Variants in TOX3 observed in about 807,000 individuals in gnomAD.
TOX3 encodes TOX high mobility group box family member 3.
A neutral mutation model predicts 64.3 loss-of-function variants in TOX3; 22 were observed. The ratio of observed to expected loss-of-function variants is 0.34; its 90% CI spans 0.24 to 0.49. The LOEUF is 0.49. TOX3 is among the 20% of genes least tolerant of loss of function. TOX3 has a pLI of 0.99. For synonymous variants in TOX3, 291 were observed against 273.6 expected (o/e 1.06, Z -0.63); for missense variants, 661 against 714.4 (o/e 0.93, Z 0.85).
chr16:52,499,806 G>A (rs976770154), intron 1 of TOX3, among the ~76,000 whole-genome samples: 1 of 152,190 alleles, frequency 6.6e-6, no homozygotes, highest in Non-Finnish European at 1.5e-5. Context: ...AGAAGCTGCT[G>A]AACAACTTTC....
intron 1 of TOX3, chr16:52,519,530 ACTCTTCTGT>A: frequency 6.5e-7 from 1 of 1,542,898 alleles, no homozygotes; most frequent in Non-Finnish European, 8.8e-7. Flanking sequence ...CCCTCTTCTG[ACTCTTCTGT>A]CCTCTGCTGG....
chr16:52,470,333 C>G (rs74017819), intron 1 of TOX3, among the ~76,000 whole-genome samples: 399 of 152,278 alleles, frequency 2.6e-3, no homozygotes, highest in African/African-American at 9.3e-3. Flanking sequence ...TCCTGGCCCC[C>G]CAAACCGCCT....
intron 1 of TOX3, among the ~76,000 whole-genome samples, chr16:52,520,600 A>G (rs1308603273): frequency 6.6e-6 from 1 of 152,258 alleles, no homozygotes; most frequent in Non-Finnish European, 1.5e-5. Context: ...TGTATTTTAC[A>G]GTTGAAAGTT....
intron 6 of TOX3, among the ~76,000 whole-genome samples, chr16:52,440,217 C>T (rs950650573): frequency 6.6e-6 from 1 of 152,224 alleles, no homozygotes; most frequent in East Asian, 1.9e-4. Context: ...AGTGATACTG[C>T]TCCAGTTCCA....
intron 4 of TOX3, among the ~76,000 whole-genome samples, chr16:52,447,809 A>G (rs1243902259): frequency 6.6e-6 from 1 of 152,208 alleles, no homozygotes; most frequent in African/African-American, 2.4e-5. Flanking sequence ...AATGAAAAAC[A>G]TTATTTAAAC....
chr16:52,521,027 T>C (rs571488426), intron 1 of TOX3, among the ~76,000 whole-genome samples: 1 of 152,312 alleles, frequency 6.6e-6, no homozygotes, highest in Admixed American at 6.5e-5. Context: ...CAAAATAATC[T>C]ATTTAATTCT....
At chr16:52,501,520 A>G (rs1385440835) in intron 1 of TOX3, among the ~76,000 whole-genome samples, 1 of 152,054 alleles carries the variant, frequency 6.6e-6, no homozygotes. Context: ...AAATACAAAA[A>G]TTAGCCGGGC....
intron 1 of TOX3, among the ~76,000 whole-genome samples, chr16:52,542,896 G>A (rs552092839): frequency 1.3e-5 from 2 of 152,290 alleles, no homozygotes; most frequent in East Asian, 3.9e-4. Context: ...CAAGGCAGAA[G>A]CCCAATCAGG....
intron 2 of TOX3, among the ~76,000 whole-genome samples, chr16:52,465,005 C>CTTTTTT (rs1168498170): frequency 0.06 from 4,264 of 70,906 alleles, 1,167 homozygotes; most frequent in Non-Finnish European, 0.067. Context: ...TTAATGCATT[C>CTTTTTT]TTTTTTTTTT....
chr16:52,527,132 A>G (rs1310648475), intron 1 of TOX3, among the ~76,000 whole-genome samples: 7 of 152,194 alleles, frequency 4.6e-5, no homozygotes, highest in Non-Finnish European at 7.3e-5. Flanking sequence ...GAATAAAAAG[A>G]CTTCAGAGCT....
rs533126588 is a variant in TOX3 at position 52,532,933 on chromosome 16, C to G, written c.87+13704G>C. Among the ~76,000 whole-genome samples, 3 of 152,242 alleles carry G rather than the reference C, an allele frequency of 2.0e-5. No individual in the cohort carries two copies. The South Asian group carries it at 6.2e-4, about 32-fold the overall frequency. On this transcript the variant is annotated intron_variant, in intron 1 of 6. Transcript: ENST00000219746. ...GCACTGGGCTTAGCAGAGAATCTGC[C>G]TAGAGAAGGCACTGGTATTTTTGCA...
chr16:52,450,345 C>T lies in TOX3; in HGVS notation c.610G>A (p.Ala204Thr). The change falls in exon 4 of 7, where the codon GCA becomes ACA. Residue 204 changes from alanine (A) to threonine (T), a missense_variant. By Grantham distance (58) the Ala-to-Thr change is moderately conservative. Around this residue, in one of 3 missense-constraint regions of TOX3, gnomAD observed 103 missense variants for 161.2 expected, o/e 0.64. Coordinates refer to ENST00000219746, the MANE Select transcript of TOX3 (RefSeq NM_001080430.4). ...SMPHTSPSPPASKSATPSPSS... is the reference protein window; with the variant it reads ...SMPHTSPSPPTSKSATPSPSS... ...GGGGAGGGAGTGGCTGATTTGCTTGCTGGAGGTGAAGGAGATGTGTGAGGC... is the reference window on the plus strand; with the variant it reads ...GGGGAGGGAGTGGCTGATTTGCTTGTTGGAGGTGAAGGAGATGTGTGAGGC... 1 of 1,613,982 alleles carries T rather than the reference C, an allele frequency of 6.2e-7. No homozygotes were observed. Among genetic ancestry groups the T allele is most frequent in the Non-Finnish European group, 8.5e-7 (1 of 1,179,888 alleles).
chr16:52,471,526 C>T (rs1301476237), intron 1 of TOX3, among the ~76,000 whole-genome samples: 2 of 152,092 alleles, frequency 1.3e-5, no homozygotes, highest in Admixed American at 6.5e-5. Flanking sequence ...TAGTACAAAA[C>T]CCCATAGGTC....
At chr16:52,452,052 C>T (rs368982321) in intron 3 of TOX3, among the ~76,000 whole-genome samples, 7 of 151,424 alleles carry the variant, frequency 4.6e-5, no homozygotes, top group South Asian at 2.1e-4. Flanking sequence ...TTGCCCCAGG[C>T]GGGGCAAAAC....
chr16:52,473,568 C>T (rs1352296462), intron 1 of TOX3, among the ~76,000 whole-genome samples: 2 of 152,074 alleles, frequency 1.3e-5, no homozygotes, highest in East Asian at 1.9e-4. Context: ...CGTGAAGGCT[C>T]GGTTAACTAC....
intron 1 of TOX3, among the ~76,000 whole-genome samples, chr16:52,469,777 A>G (rs1318231434): frequency 2.0e-5 from 3 of 152,208 alleles, no homozygotes; most frequent in African/African-American, 7.2e-5. Flanking sequence ...CTCTTCCTCA[A>G]TAAACTAACA....
chr16:52,483,165 C>T (rs946196891), intron 1 of TOX3, among the ~76,000 whole-genome samples: 7 of 152,130 alleles, frequency 4.6e-5, no homozygotes, highest in South Asian at 4.1e-4. Flanking sequence ...CCTTCAACAA[C>T]GACGCACATC....
At chr16:52,515,137 G>A (rs1276847556) in intron 1 of TOX3, among the ~76,000 whole-genome samples, 1 of 146,496 alleles carries the variant, frequency 6.8e-6, no homozygotes, top group African/African-American at 2.5e-5. Flanking sequence ...TAATTTCTGA[G>A]TGAATAAATT....
At chr16:52,502,976 G>A (rs538438481) in intron 1 of TOX3, among the ~76,000 whole-genome samples, 47 of 152,192 alleles carry the variant, frequency 3.1e-4, no homozygotes, top group Non-Finnish European at 4.1e-4. Flanking sequence ...GCAACTACAC[G>A]AAAAGCAGGA....
Sources: gnomAD v4.1 joint callset for allele counts (sites outside exome capture counted in the v4.1 genomes callset) on GRCh38, gnomAD v4.1.1 for gene constraint, gnomAD v4.1.1 regional missense constraint, MANE v1.5 for transcripts, NCBI Gene and HGNC (gene_info 2026-07-23, HGNC 2026-07-21) for gene names.